Variants in LRRC9 observed in about 807,000 individuals in gnomAD.
The protein encoded by LRRC9 is leucine rich repeat containing 9.
LRRC9 carries 122 observed loss-of-function variants against 63.2 expected under a neutral mutation model. The observed-to-expected ratio is 1.93, with a 90% CI of 1.67 to 2.24. LRRC9 has a LOEUF of 2.24. LRRC9 is among the 30% of genes most tolerant of loss of function. The probability of loss-of-function intolerance (pLI) is 0.00; values close to 1 mark genes in which losing one functional copy is unlikely to be tolerated. For synonymous variants in LRRC9, 366 were observed against 213.1 expected, an observed-to-expected ratio of 1.72 and a Z score of -6.25; for missense variants, 1,071 against 627.7, an observed-to-expected ratio of 1.71 and a Z score of -7.55.
In LRRC9 at chr14:59,978,123, T is replaced by G. The variant is rs945666396; in HGVS notation, c.1869T>G (p.Tyr623Ter). The change falls in exon 15 of 32, where the codon TAT (tyrosine) becomes TAG (stop). Residue 623 changes from tyrosine to a stop codon, truncating the protein, a stop_gained. Transcript: ENST00000445360. LOFTEE classifies it high-confidence loss of function. ...CGGAATATGTTGTTGAATTTGAGTA[T>G]ATTACAATGGTATGAATTGTTACAT... 1.4e-6 allele frequency: 1 copy of G among 702,034 alleles called. No homozygotes were observed. Among genetic ancestry groups the G allele is most frequent in the Non-Finnish European group, 2.6e-6 (1 of 384,384 alleles). 43.5% of individuals were successfully genotyped at this position (702,034 alleles called of 1,614,324 possible). A position where few individuals can be genotyped will look rare whatever the true frequency, so the allele number is the denominator to read the frequency against.
At chr14:60,023,138 A>C (rs911394264) in intron 27 of LRRC9, among the ~76,000 whole-genome samples, 5 of 152,166 alleles carry the variant, frequency 3.3e-5, no homozygotes, top group South Asian at 2.1e-4. Context: ...AATAAAAAAA[A>C]CAGTGGATAA....
chr14:60,064,672 T>G (rs1331486637), downstream of LRRC9, among the ~76,000 whole-genome samples: 1 of 152,222 alleles, frequency 6.6e-6, no homozygotes, highest in African/African-American at 2.4e-5. Context: ...ACTATGCAGT[T>G]CTTAAGATGT....
intron 29 of LRRC9, among the ~76,000 whole-genome samples, chr14:60,049,398 T>C (rs571000527): frequency 2.6e-5 from 4 of 152,348 alleles, no homozygotes; most frequent in African/African-American, 9.6e-5. Context: ...GCTAATGGTT[T>C]TTCCTTTCCA....
At chr14:60,025,354 A>AAAAT (rs1891460615) in intron 27 of LRRC9, among the ~76,000 whole-genome samples, 2 of 151,748 alleles carry the variant, frequency 1.3e-5, no homozygotes, top group African/African-American at 4.8e-5. Context: ...CTTTCACCTC[A>AAAAT]GCCTCCCAAA....
chr14:60,056,562 C>T (rs921164627), intron 30 of LRRC9, among the ~76,000 whole-genome samples: 2 of 152,102 alleles, frequency 1.3e-5, no homozygotes, highest in Non-Finnish European at 2.9e-5. Context: ...ATTCTAGATA[C>T]ATATTCTTGC....
chr14:59,946,192 T>G (rs1308602923), intron 8 of LRRC9, among the ~76,000 whole-genome samples: 1 of 151,398 alleles, frequency 6.6e-6, no homozygotes, highest in Non-Finnish European at 1.5e-5. Context: ...TGTGTAGCTA[T>G]TAATATTAAA....
intron 29 of LRRC9, among the ~76,000 whole-genome samples, chr14:60,046,281 T>G (rs1054065529): frequency 3.3e-5 from 5 of 152,196 alleles, no homozygotes; most frequent in African/African-American, 1.2e-4. Flanking sequence ...TTTAGTTAGA[T>G]CCCATTTGCC....
At chr14:60,052,773 G>T (rs2140435659) in intron 29 of LRRC9, among the ~76,000 whole-genome samples, 1 of 152,316 alleles carries the variant, frequency 6.6e-6, no homozygotes, top group South Asian at 2.1e-4. Context: ...ACTTTTAAGT[G>T]AACTTCCATA....
In LRRC9 at chr14:60,004,083, A is replaced by G. The variant is rs183003956; in HGVS notation, c.2842+285A>G. On this transcript the variant is annotated intron_variant, in intron 21 of 31. Coordinates refer to ENST00000445360, the Ensembl canonical transcript of LRRC9. The surrounding 1 kb of genome is among the most constrained non-coding windows in gnomAD (Gnocchi z 4.8). Reference sequence around the variant, plus strand: ...AAATAAAAGATAAATAAAAAATTAAAACGAGTTCATACCTATTAGTGGAAT... The same window carrying G: ...AAATAAAAGATAAATAAAAAATTAAGACGAGTTCATACCTATTAGTGGAAT... Among the ~76,000 whole-genome samples, 287 of 152,272 alleles carry G rather than the reference A, an allele frequency of 1.9e-3. 1 individual carries two copies. The highest frequency in any genetic ancestry group is 3.4e-3 in the Middle Eastern group (1 of 294).
In LRRC9 at chr14:60,053,064, G is replaced by T. The variant is rs994513512; in HGVS notation, c.3991-1G>T. ...AAATTGTTATTTTTAACTTTATTCAGATTTGTAGAAAAATGCTACATCGCC... is the reference window on the plus strand; with the variant it reads ...AAATTGTTATTTTTAACTTTATTCATATTTGTAGAAAAATGCTACATCGCC... On this transcript the variant is annotated splice_acceptor_variant, in intron 29 of 31. Coordinates refer to ENST00000445360, the Ensembl canonical transcript of LRRC9. LOFTEE classifies it high-confidence loss of function. The surrounding 1 kb of genome is among the most constrained non-coding windows in gnomAD (Gnocchi z 4.8). 3 of 695,782 alleles carry T rather than the reference G, an allele frequency of 4.3e-6. No individual in the cohort carries two copies. The highest frequency in any genetic ancestry group is 3.5e-5 in the African/African-American group (2 of 56,974). 43.1% of individuals were successfully genotyped at this position (695,782 alleles called of 1,614,324 possible). A position where few individuals can be genotyped will look rare whatever the true frequency, so the allele number is the denominator to read the frequency against.
chr14:60,012,311 A>T (rs574474268), intron 23 of LRRC9, among the ~76,000 whole-genome samples: 1 of 152,122 alleles, frequency 6.6e-6, no homozygotes, highest in Admixed American at 6.5e-5. Flanking sequence ...TCTCTGTCCA[A>T]CACTCTCTAG....
At chr14:59,947,057 T>C (rs1170756536) in intron 8 of LRRC9, among the ~76,000 whole-genome samples, 3 of 148,258 alleles carry the variant, frequency 2.0e-5, no homozygotes, top group Non-Finnish European at 3.0e-5. Flanking sequence ...GTATTTCTAG[T>C]TCTAGATCCC....
At chr14:59,975,127 GTATATATA>G (rs1286444884) in intron 13 of LRRC9, among the ~76,000 whole-genome samples, 1 of 9,148 alleles carries the variant, frequency 1.1e-4, no homozygotes, top group African/African-American at 2.1e-4. Context: ...ATATATATAT[GTATATATA>G]TATACATATA....
At chr14:59,937,375 C>T (rs2139816678) in intron 6 of LRRC9, among the ~76,000 whole-genome samples, 1 of 152,150 alleles carries the variant, frequency 6.6e-6, no homozygotes, top group East Asian at 1.9e-4. Flanking sequence ...TAGACACAAG[C>T]ATTTGGCAAT....
At chr14:59,995,392 A>G (rs1370655834) in intron 17 of LRRC9, among the ~76,000 whole-genome samples, 1 of 152,222 alleles carries the variant, frequency 6.6e-6, no homozygotes, top group Admixed American at 6.5e-5. Flanking sequence ...TTTTATTGAA[A>G]TAATACTGAA....
chr14:60,053,314 G>C lies in LRRC9; in HGVS notation c.4131+109G>C. On this transcript the variant is annotated intron_variant, in intron 30 of 31. Transcript: ENST00000445360. The surrounding 1 kb of genome is among the most constrained non-coding windows in gnomAD (Gnocchi z 4.8). ...TTAAACCTATGGCGTTTTTGATAAG[G>C]ATGATCTTAGTATCTATTTAGTGAT... 1.7e-6 allele frequency: 1 copy of C among 575,066 alleles called. No individual in the cohort carries two copies. The highest frequency in any genetic ancestry group is 3.1e-6 in the Non-Finnish European group (1 of 322,362). The allele number at this position is 575,066 out of a possible 1,614,324, so 35.6% of individuals were successfully genotyped here.
chr14:60,026,307 T>C (rs1891548162), intron 27 of LRRC9, among the ~76,000 whole-genome samples: 1 of 152,122 alleles, frequency 6.6e-6, no homozygotes, highest in Admixed American at 6.6e-5. Flanking sequence ...ATAAAAGCCA[T>C]TTTTACTGGG....
chr14:59,931,655 C>T (rs1288077179), exon 5 of LRRC9: 6 of 698,278 alleles, frequency 8.6e-6, no homozygotes, highest in South Asian at 6.0e-5. Flanking sequence ...AGATCTCAAC[C>T]TTGCTGGAAA....
chr14:59,926,398 A>C (rs1412014586), intron 1 of LRRC9, among the ~76,000 whole-genome samples: 4 of 152,202 alleles, frequency 2.6e-5, no homozygotes, highest in African/African-American at 9.6e-5. Flanking sequence ...TGTATATGCC[A>C]GCACATGTAC....
Sources: allele counts gnomAD v4.1 joint callset (sites outside exome capture counted in the v4.1 genomes callset), GRCh38; gene constraint gnomAD v4.1.1; non-coding constraint Gnocchi (gnomAD v3.1); transcripts MANE v1.5; gene names NCBI Gene and HGNC (gene_info 2026-07-23, HGNC 2026-07-21).